CUX1: variants seen among roughly 807,000 people sequenced by gnomAD.
The protein encoded by CUX1 is cut like homeobox 1, also known as protein CASP.
In CUX1, 31 loss-of-function variants were observed where a neutral mutation model predicts 158.8. The ratio of observed to expected loss-of-function variants is 0.20; its 90% confidence interval spans 0.15 to 0.26. The LOEUF (loss-of-function observed/expected upper bound fraction) is 0.26, where lower values mean the gene tolerates loss of function less well. Among genes scored for constraint, CUX1 ranks in the 10% least tolerant of loss-of-function variants. CUX1 has a pLI of 1.00. For synonymous variants in CUX1, 879 were observed against 862.1 expected, an observed-to-expected ratio of 1.02 and a Z score of -0.34; for missense variants, 1,589 against 2,014.6, an observed-to-expected ratio of 0.79 and a Z score of 4.04.
intron 2 of CUX1, among the ~76,000 whole-genome samples, chr7:102,008,504 G>A (rs149559319): frequency 5.7e-4 from 87 of 152,166 alleles, no homozygotes; most frequent in African/African-American, 2.0e-3. Context: ...CTGGTATTTC[G>A]GTCGTGTGCG....
intron 1 of CUX1, among the ~76,000 whole-genome samples, chr7:101,896,926 A>G (rs930146563): frequency 1.3e-5 from 2 of 152,220 alleles, no homozygotes; most frequent in African/African-American, 4.8e-5. Flanking sequence ...TCCTTTTTGT[A>G]TAAGGCAAGC....
At chr7:102,033,766 C>T (rs375875639) in intron 3 of CUX1, among the ~76,000 whole-genome samples, 4 of 152,048 alleles carry the variant, frequency 2.6e-5, no homozygotes, top group Non-Finnish European at 4.4e-5. Flanking sequence ...ATAGAAAGAG[C>T]GAGCACTTCT....
chr7:101,883,395 A>G (rs970051095), intron 1 of CUX1, among the ~76,000 whole-genome samples: 1 of 152,094 alleles, frequency 6.6e-6, no homozygotes, highest in Non-Finnish European at 1.5e-5. Context: ...TTTTCATCAT[A>G]TGTACACATA....
chr7:102,169,879 G>A (rs1791520638), intron 9 of CUX1, among the ~76,000 whole-genome samples: 1 of 152,204 alleles, frequency 6.6e-6, no homozygotes, highest in African/African-American at 2.4e-5. Context: ...GCCAGGATCA[G>A]CATTCAAAAC....
chr7:102,199,997 A>C, intron 16 of CUX1, 74 bp from the exon 17 acceptor site: 1 of 1,294,142 alleles, frequency 7.7e-7, no homozygotes, highest in East Asian at 2.4e-5. Flanking sequence ...ATATATCAGA[A>C]TGACGTCTTC....
At chr7:102,273,390 G>T (rs372464298) in exon 15 of CUX1, 1 of 1,612,092 alleles carries the variant, frequency 6.2e-7, no homozygotes, top group African/African-American at 1.3e-5. Flanking sequence ...CTGCAAGTCC[G>T]TATCACTGAG....
intron 2 of CUX1, among the ~76,000 whole-genome samples, chr7:101,947,305 G>A (rs1468525416): frequency 6.6e-6 from 1 of 152,136 alleles, no homozygotes; most frequent in Non-Finnish European, 1.5e-5. Flanking sequence ...GAGGCAGGAG[G>A]ATTGCTTGCA....
chr7:101,921,440 TTTTA>T (rs61205066), intron 2 of CUX1, among the ~76,000 whole-genome samples: 44 of 150,094 alleles, frequency 2.9e-4, no homozygotes, highest in Middle Eastern at 3.4e-3. Flanking sequence ...TTTTATTTTA[TTTTA>T]TTTATTTATT....
intron 2 of CUX1, among the ~76,000 whole-genome samples, chr7:101,969,189 G>T (rs969005740): frequency 6.6e-6 from 1 of 151,572 alleles, no homozygotes; most frequent in Non-Finnish European, 1.5e-5. Context: ...CAAAAAATTA[G>T]CTGAGCGTGG....
chr7:101,938,925 C>T (rs1247374782), intron 2 of CUX1, among the ~76,000 whole-genome samples: 1 of 151,114 alleles, frequency 6.6e-6, no homozygotes, highest in Non-Finnish European at 1.5e-5. Flanking sequence ...TCTGTAATCC[C>T]AGCTACTTGG....
intron 2 of CUX1, among the ~76,000 whole-genome samples, chr7:102,019,716 C>T (rs774075495): frequency 2.0e-5 from 3 of 152,150 alleles, no homozygotes; most frequent in East Asian, 1.9e-4. Context: ...CCACGTACCA[C>T]GCAAAAGCCA....
chr7:102,249,373 C>T lies in CUX1; in HGVS notation c.*331C>T. The T allele has an allele frequency of 1.0e-6, 1 of 997,570 alleles. No homozygotes were observed. Among genetic ancestry groups the T allele is most frequent in the African/African-American group, 1.7e-5 (1 of 57,694 alleles). The allele number at this position is 997,570 out of a possible 1,614,324, so 61.8% of individuals were successfully genotyped here. ...CCCTGCGGGCCACAGGGCAAAATCG[C>T]CATAGGCCAAGGTGCATATAGAAAA... On this transcript the variant is annotated 3_prime_UTR_variant, in exon 24 of 24. Transcript: ENST00000292535.
intron 1 of CUX1, among the ~76,000 whole-genome samples, chr7:101,846,720 G>A (rs1795734362): frequency 6.6e-6 from 1 of 152,134 alleles, no homozygotes. Context: ...GTAGGCCAAG[G>A]AGGTGCTAGT....
intron 20 of CUX1, among the ~76,000 whole-genome samples, chr7:102,226,625 T>C (rs1157613708): frequency 1.3e-5 from 2 of 152,120 alleles, no homozygotes; most frequent in Non-Finnish European, 2.9e-5. Context: ...TCCGCAGTTG[T>C]TGTTTTTTTT....
chr7:102,207,298 C>T (rs1447945492), intron 20 of CUX1, among the ~76,000 whole-genome samples: 2 of 152,036 alleles, frequency 1.3e-5, no homozygotes, highest in East Asian at 3.9e-4. Flanking sequence ...GGGTGTGTCT[C>T]CCCCACCCGC....
chr7:101,856,822 C>A (rs1220106381), intron 1 of CUX1, among the ~76,000 whole-genome samples: 1 of 152,198 alleles, frequency 6.6e-6, no homozygotes, highest in Non-Finnish European at 1.5e-5. Flanking sequence ...TAGCCAAATT[C>A]TGTGGTCCCT....
chr7:102,195,656 C>T (rs1794728909), intron 14 of CUX1, 53 bp downstream of exon 14: 6 of 1,479,176 alleles, frequency 4.1e-6, no homozygotes, highest in South Asian at 1.2e-5. Context: ...TTCCAGGGGT[C>T]GGTCGAGGAC....
chr7:102,093,816 C>T (rs1200295719), intron 4 of CUX1, among the ~76,000 whole-genome samples: 7 of 152,106 alleles, frequency 4.6e-5, no homozygotes, highest in Admixed American at 2.0e-4. Context: ...ATTGGGTGGG[C>T]GGAGCTGGCA....
At chr7:101,836,981 T>C (rs1440664729) in intron 1 of CUX1, among the ~76,000 whole-genome samples, 1 of 152,218 alleles carries the variant, frequency 6.6e-6, no homozygotes, top group Non-Finnish European at 1.5e-5. Context: ...TTCTGTGGCC[T>C]GGGAAAGTCA....
Sources: gnomAD v4.1 joint callset for allele counts (sites outside exome capture counted in the v4.1 genomes callset) on GRCh38, gnomAD v4.1.1 for gene constraint, MANE v1.5 for transcripts, NCBI Gene and HGNC (gene_info 2026-07-23, HGNC 2026-07-21) for gene names.